The following ATP13A4 variants were observed in gnomAD, a reference collection of about 807,000 sequenced individuals.
ATP13A4 encodes probable cation-transporting ATPase 13A4.
ATP13A4 carries 114 observed loss-of-function variants against 142.5 expected under a neutral mutation model. That is an observed-to-expected ratio of 0.80 (90% confidence interval 0.69 to 0.93). The LOEUF is 0.93. Among genes scored for constraint, ATP13A4 ranks in the 40% least tolerant of loss-of-function variants. The probability of loss-of-function intolerance (pLI) is 0.00; values close to 1 mark genes in which losing one functional copy is unlikely to be tolerated. For missense variants in ATP13A4, 1,392 were observed against 1,454.0 expected (o/e 0.96, Z 0.69); for synonymous variants, 488 against 514.8 (o/e 0.95, Z 0.70).
chr3:193,568,340 G>C (rs777689496), intron 2 of ATP13A4, among the ~76,000 whole-genome samples: 5 of 152,074 alleles, frequency 3.3e-5, no homozygotes, highest in Non-Finnish European at 5.9e-5. Flanking sequence ...ACTTTCTCTA[G>C]GGGAAAAAAA....
chr3:193,472,557 C>T (rs1261483995), intron 8 of ATP13A4, among the ~76,000 whole-genome samples: 5 of 152,196 alleles, frequency 3.3e-5, no homozygotes, highest in Admixed American at 1.3e-4. Context: ...ATAGTAAGAA[C>T]GAATCAACTA....
At chr3:193,547,948 C>T (rs1035102080) in intron 1 of ATP13A4, among the ~76,000 whole-genome samples, 1 of 152,196 alleles carries the variant, frequency 6.6e-6, no homozygotes, top group African/African-American at 2.4e-5. Flanking sequence ...GCTATTCTTT[C>T]AAAATCCTCC....
intron 9 of ATP13A4, among the ~76,000 whole-genome samples, chr3:193,468,029 A>C (rs1285894898): frequency 6.6e-6 from 1 of 152,168 alleles, no homozygotes; most frequent in African/African-American, 2.4e-5. Flanking sequence ...AATACAAAAA[A>C]TCAGCCAGGT....
chr3:193,414,508 C>A, intron 26 of ATP13A4, 71 bp downstream of exon 26: 1 of 1,567,624 alleles, frequency 6.4e-7, no homozygotes, highest in South Asian at 1.1e-5. Flanking sequence ...ATGTGCCTCC[C>A]ATCATATTGG....
Position 193,440,545 on chromosome 3 carries a change from G to C in ATP13A4, c.2519+13C>G, listed in dbSNP as rs765794636. ...CATGCAGTTCATGCCACCTGCACTG[G>C]CAAAGAACCTACTCCAGTTTCTGAA... is the stretch of plus-strand genomic sequence containing the variant. On this transcript the variant is annotated intron_variant, in intron 21 of 29. Coordinates refer to ENST00000342695, the MANE Select transcript of ATP13A4 (RefSeq NM_032279.4). The C allele has an allele frequency of 6.2e-7, 1 of 1,613,682 alleles. No individual in the cohort carries two copies. Among genetic ancestry groups the C allele is most frequent in the South Asian group, 1.1e-5 (1 of 91,066 alleles).
At chr3:193,480,877 C>G (rs746155542) in intron 8 of ATP13A4, among the ~76,000 whole-genome samples, 4 of 152,124 alleles carry the variant, frequency 2.6e-5, no homozygotes, top group Non-Finnish European at 5.9e-5. Context: ...GGAACAAGCC[C>G]AAATGCCCAT....
chr3:193,565,153 GC>G (rs1220465133), intron 2 of ATP13A4, among the ~76,000 whole-genome samples: 1 of 152,030 alleles, frequency 6.6e-6, no homozygotes, highest in Non-Finnish European at 1.5e-5. Context: ...TGAAACCACC[GC>G]CCCCGACTCC....
Position 193,467,409 on chromosome 3 carries a change from C to A in ATP13A4, c.1021G>T (p.Asp341Tyr), listed in dbSNP as rs893596634. ...SVPWKTQSEADYKRHVLFCGT... is the reference protein window; with the variant it reads ...SVPWKTQSEAYYKRHVLFCGT... The stretch of plus-strand genomic sequence containing the variant: ...CAGAAGAGGACATGCCGCTTGTAAT[C>A]CGCTTCACTCTGTGTTTTCCAGGGC... The change falls in exon 10 of 30, where the codon GAT (aspartate) becomes TAT (tyrosine). Residue 341 changes from aspartate (D) to tyrosine (Y), a missense_variant. By Grantham distance (160) the Asp-to-Tyr change is radical. Coordinates refer to ENST00000342695, the MANE Select transcript of ATP13A4 (RefSeq NM_032279.4). The A allele has an allele frequency of 6.2e-7, 1 of 1,614,078 alleles. No homozygotes were observed. Among genetic ancestry groups the A allele is most frequent in the Non-Finnish European group, 8.5e-7 (1 of 1,180,018 alleles).
intron 28 of ATP13A4, among the ~76,000 whole-genome samples, chr3:193,410,336 A>G (rs1714704019): frequency 6.6e-6 from 1 of 152,230 alleles, no homozygotes; most frequent in African/African-American, 2.4e-5. Context: ...ACAACTTCAA[A>G]AAAAGAAGCA....
chr3:193,433,679 T>G (rs62285712), intron 25 of ATP13A4, among the ~76,000 whole-genome samples, 166 bp downstream of exon 25: 8,224 of 152,308 alleles, frequency 0.054, 293 homozygotes, highest in South Asian at 0.14. Context: ...CTTGCAATAC[T>G]TAAAAATGAG....
intron 25 of ATP13A4, among the ~76,000 whole-genome samples, chr3:193,421,636 T>A (rs1173990260): frequency 2.7e-5 from 4 of 149,676 alleles, no homozygotes; most frequent in African/African-American, 9.8e-5. Context: ...AATAAAAAGA[T>A]GTAAATTGCG....
intron 1 of ATP13A4, among the ~76,000 whole-genome samples, chr3:193,526,239 A>G (rs1408721502): frequency 3.3e-5 from 5 of 152,208 alleles, no homozygotes; most frequent in Non-Finnish European, 7.3e-5. Context: ...AAAATGTGGC[A>G]CATATACACC....
In ATP13A4 at chr3:193,442,385, A is replaced by G; in HGVS notation, c.2316+8T>C. 1 of 1,613,160 alleles carries G rather than the reference A, an allele frequency of 6.2e-7. No homozygotes were observed. The highest frequency in any genetic ancestry group is 1.1e-5 in the South Asian group (1 of 91,036). On this transcript the variant is annotated splice_region_variant and intron_variant, in intron 19 of 29. Transcript: ENST00000342695. The stretch of plus-strand genomic sequence containing the variant: ...ATAATGTGGCAGAAGGTCTGTGTTC[A>G]GGAGTACCTGATTCCCATACATAAT...
In ATP13A4 at chr3:193,473,076, A is replaced by G. The variant is rs142398591; in HGVS notation, c.809-2083T>C. Among the ~76,000 whole-genome samples the G allele has an allele frequency of 1.7e-3, 256 of 152,360 alleles. 4 individuals carry two copies. The South Asian group carries it at 0.019, about 11-fold the overall frequency. On this transcript the variant is annotated intron_variant, in intron 8 of 29. Coordinates refer to ENST00000342695, the MANE Select transcript of ATP13A4 (RefSeq NM_032279.4). ...TGGTTTCTAAATTCCCTTTCTCCCA[A>G]TAAAAAGGTTTCCTTAGAGAGAGGA... is the stretch of plus-strand genomic sequence containing the variant.
At chr3:193,443,159 C>A (rs1034096895) in intron 18 of ATP13A4, among the ~76,000 whole-genome samples, 2 of 152,066 alleles carry the variant, frequency 1.3e-5, no homozygotes, top group Admixed American at 1.3e-4. Flanking sequence ...CAAAAGACAC[C>A]CAGTCTTTCT....
intron 25 of ATP13A4, among the ~76,000 whole-genome samples, chr3:193,425,750 A>G (rs1346506933): frequency 6.6e-6 from 1 of 151,804 alleles, no homozygotes; most frequent in African/African-American, 2.4e-5. Flanking sequence ...GAAGGTTGTC[A>G]GTATGTACAA....
chr3:193,429,085 A>C (rs1202656440), intron 25 of ATP13A4, among the ~76,000 whole-genome samples: 1 of 152,086 alleles, frequency 6.6e-6, no homozygotes, highest in African/African-American at 2.4e-5. Context: ...AGAGAAATGC[A>C]AGTCAAAATC....
chr3:193,564,959 T>C (rs1724102690), intron 2 of ATP13A4, among the ~76,000 whole-genome samples: 1 of 152,206 alleles, frequency 6.6e-6, no homozygotes, highest in Non-Finnish European at 1.5e-5. Context: ...GAGACTCCAA[T>C]GCCTGATGAA....
At chr3:193,540,684 G>A (rs1265015158) in intron 1 of ATP13A4, among the ~76,000 whole-genome samples, 2 of 151,190 alleles carry the variant, frequency 1.3e-5, no homozygotes, top group African/African-American at 4.9e-5. Context: ...CTATTATATA[G>A]CCATTAAAAG....
Sources: gnomAD v4.1 joint callset for allele counts (sites outside exome capture counted in the v4.1 genomes callset) on GRCh38, gnomAD v4.1.1 for gene constraint, MANE v1.5 for transcripts, NCBI Gene and HGNC (gene_info 2026-07-23, HGNC 2026-07-21) for gene names.